Variants in TRAPPC9 observed in about 807,000 individuals in gnomAD.
TRAPPC9 encodes the protein trafficking protein particle complex subunit 9.
Under a neutral mutation model 124.0 loss-of-function variants are expected in TRAPPC9, and 83 were observed. The ratio of observed to expected loss-of-function variants is 0.67; its 90% CI spans 0.56 to 0.80. The LOEUF (loss-of-function observed/expected upper bound fraction) is 0.80, where lower values mean the gene tolerates loss of function less well. Ranked by LOEUF, TRAPPC9 falls within the 30% of genes least tolerant of loss-of-function variation. TRAPPC9 has a pLI of 0.00. For missense variants in TRAPPC9, 1,302 were observed against 1,508.3 expected (o/e 0.86, Z 2.27); for synonymous variants, 638 against 617.5 (o/e 1.03, Z -0.49).
chr8:139,926,321 G>C (rs1408696714), intron 19 of TRAPPC9, among the ~76,000 whole-genome samples: 1 of 152,084 alleles, frequency 6.6e-6, no homozygotes, highest in Non-Finnish European at 1.5e-5. Context: ...AGGCTCCCAA[G>C]AGAACCCACA....
chr8:140,027,357 T>C (rs568998271), intron 17 of TRAPPC9, among the ~76,000 whole-genome samples: 3 of 152,348 alleles, frequency 2.0e-5, no homozygotes, highest in African/African-American at 7.2e-5. Flanking sequence ...CTCTCAGTAA[T>C]GGCTGTGAAA....
At chr8:140,055,451 T>C (rs569657425) in intron 17 of TRAPPC9, among the ~76,000 whole-genome samples, 1 of 152,306 alleles carries the variant, frequency 6.6e-6, no homozygotes, top group Non-Finnish European at 1.5e-5. Context: ...TTTCCTCTAA[T>C]ATCAGGAATG....
intron 17 of TRAPPC9, among the ~76,000 whole-genome samples, chr8:140,180,490 C>T (rs958969574): frequency 3.3e-5 from 5 of 152,070 alleles, no homozygotes; most frequent in Non-Finnish European, 7.4e-5. Context: ...TATTTATTCT[C>T]ATATTTACCT....
chr8:139,882,160 G>C (rs1462353167), intron 21 of TRAPPC9, among the ~76,000 whole-genome samples: 1 of 152,246 alleles, frequency 6.6e-6, no homozygotes, highest in Non-Finnish European at 1.5e-5. Context: ...TAAAACAGAA[G>C]TGATTATAAT....
intron 5 of TRAPPC9, among the ~76,000 whole-genome samples, chr8:140,418,713 C>G (rs2070035119): frequency 6.8e-6 from 1 of 148,002 alleles, no homozygotes; most frequent in Admixed American, 6.8e-5. Flanking sequence ...AAGCGAGACT[C>G]CATCTCAAAA....
intron 17 of TRAPPC9, among the ~76,000 whole-genome samples, chr8:140,215,317 G>A (rs2063164086): frequency 6.6e-6 from 1 of 152,182 alleles, no homozygotes; most frequent in Non-Finnish European, 1.5e-5. Context: ...CCTTAAGGGT[G>A]GGACCACAGG....
chr8:140,233,388 T>A (rs962060200), intron 16 of TRAPPC9, among the ~76,000 whole-genome samples: 1 of 152,032 alleles, frequency 6.6e-6, no homozygotes. Flanking sequence ...GTGTTTTTAG[T>A]AGAGACGGGG....
intron 2 of TRAPPC9, among the ~76,000 whole-genome samples, chr8:140,444,707 A>C (rs1271689071): frequency 6.6e-6 from 1 of 151,662 alleles, no homozygotes; most frequent in Non-Finnish European, 1.5e-5. Context: ...TCTACTAAAA[A>C]TACAAAATTA....
chr8:139,736,752 T>C lies in TRAPPC9; in HGVS notation c.3056-4550A>G, dbSNP rs551480518. Among the ~76,000 whole-genome samples the C allele has an allele frequency of 2.8e-3, 422 of 152,246 alleles. 2 individuals are homozygous for C. The highest frequency in any genetic ancestry group is 7.3e-3 in the South Asian group (35 of 4,824). Reference sequence around the variant, plus strand: ...ACCGCATGGCAGGGCTGTGCCCGGGTAGGATTCGTGACCCCGTCAGCAGCA... The same window carrying C: ...ACCGCATGGCAGGGCTGTGCCCGGGCAGGATTCGTGACCCCGTCAGCAGCA... On this transcript the variant is annotated intron_variant, in intron 21 of 22. Coordinates refer to ENST00000438773, the MANE Select transcript of TRAPPC9 (RefSeq NM_001160372.4).
At chr8:140,106,980 C>T (rs896511250) in intron 17 of TRAPPC9, among the ~76,000 whole-genome samples, 2 of 152,154 alleles carry the variant, frequency 1.3e-5, no homozygotes, top group Non-Finnish European at 2.9e-5. Flanking sequence ...GATAGGAGTT[C>T]GGATCCTGAG....
chr8:139,837,087 T>C (rs1563852172), intron 21 of TRAPPC9, among the ~76,000 whole-genome samples: 1 of 152,126 alleles, frequency 6.6e-6, no homozygotes, highest in Non-Finnish European at 1.5e-5. Context: ...CCGGTGGTGT[T>C]AGTTCAGGGA....
At position 140,410,508 on chromosome 8, in the gene TRAPPC9, C is replaced by T. The variant is rs2069666803; in HGVS notation, c.887-4810G>A. Reference sequence around the variant, plus strand: ...CCAAGATCATGCCACTGCACTCCAGCCTGGGCAACAGAGCAAGACTCCATC... The same window carrying T: ...CCAAGATCATGCCACTGCACTCCAGTCTGGGCAACAGAGCAAGACTCCATC... On this transcript the variant is annotated intron_variant, in intron 5 of 22. Coordinates refer to ENST00000438773, the MANE Select transcript of TRAPPC9 (RefSeq NM_001160372.4). 2.0e-5 allele frequency among the ~76,000 whole-genome samples: 3 copies of T among 152,056 alleles called. No individual in the cohort carries two copies. In the South Asian group the frequency reaches 6.2e-4, roughly 31 times the overall value.
chr8:139,972,768 A>G (rs922747458), intron 19 of TRAPPC9, among the ~76,000 whole-genome samples: 1 of 152,186 alleles, frequency 6.6e-6, no homozygotes. Flanking sequence ...TTGGACCCCA[A>G]AGAACTTCCC....
chr8:140,272,130 C>CAATGATGATGGTGATGGTGATGGTGGT (rs1450234909), intron 15 of TRAPPC9, among the ~76,000 whole-genome samples: 1 of 100,382 alleles, frequency 1.0e-5, no homozygotes, highest in Non-Finnish European at 2.2e-5. Context: ...GTGATGGTGG[C>CAATGATGATGGTGATGGTGATGGTGGT]GATGGTGATG....
intron 14 of TRAPPC9, among the ~76,000 whole-genome samples, chr8:140,279,532 C>T (rs1349662728): frequency 6.6e-6 from 1 of 152,140 alleles, no homozygotes; most frequent in Admixed American, 6.5e-5. Flanking sequence ...AACTCCAAAT[C>T]GGTTCCACTG....
chr8:140,121,969 A>G (rs2060994659), intron 17 of TRAPPC9, among the ~76,000 whole-genome samples: 1 of 151,922 alleles, frequency 6.6e-6, no homozygotes, highest in South Asian at 2.1e-4. Flanking sequence ...CTATGATTAC[A>G]TTACATGAGA....
At chr8:140,164,286 C>T (rs889331842) in intron 17 of TRAPPC9, among the ~76,000 whole-genome samples, 1 of 152,242 alleles carries the variant, frequency 6.6e-6, no homozygotes, top group African/African-American at 2.4e-5. Flanking sequence ...GGCTTCTGCC[C>T]ATAAACTCTA....
chr8:140,267,550 A>G lies in TRAPPC9; in HGVS notation c.2278+8108T>C, dbSNP rs2064723418. Reference sequence around the variant, plus strand: ...ACAGACGACCACCACCGCCCACCCAAAAAGACCTCTTACACTTGGTGTGAT... The same window carrying G: ...ACAGACGACCACCACCGCCCACCCAGAAAGACCTCTTACACTTGGTGTGAT... On this transcript the variant is annotated intron_variant, in intron 15 of 22. Transcript: ENST00000438773. Among the ~76,000 whole-genome samples, 4 of 152,210 alleles carry G rather than the reference A, an allele frequency of 2.6e-5. No homozygotes were observed. The East Asian group carries it at 7.7e-4, about 29-fold the overall frequency.
intron 17 of TRAPPC9, among the ~76,000 whole-genome samples, chr8:140,183,969 GGA>G (rs1188384894): frequency 1.8e-5 from 2 of 110,584 alleles, no homozygotes; most frequent in East Asian, 4.2e-4. Context: ...GAGGGAGGAG[GGA>G]GGAGGGAGGA....
Sources: gnomAD v4.1 joint callset for allele counts (sites outside exome capture counted in the v4.1 genomes callset) on GRCh38, gnomAD v4.1.1 for gene constraint, MANE v1.5 for transcripts, NCBI Gene and HGNC (gene_info 2026-07-23, HGNC 2026-07-21) for gene names.